ARHGEF28: variants seen among roughly 807,000 people sequenced by gnomAD.
The protein encoded by ARHGEF28 is 190 kDa guanine nucleotide exchange factor.
A neutral mutation model predicts 206.6 loss-of-function variants in ARHGEF28; 152 were observed. The ratio of observed to expected loss-of-function variants is 0.74; its 90% CI spans 0.64 to 0.84. The LOEUF is 0.84. Ranked by LOEUF, ARHGEF28 falls within the 40% of genes least tolerant of loss-of-function variation. The pLI, the probability that ARHGEF28 is intolerant of heterozygous loss-of-function variation, is 0.00. For synonymous variants in ARHGEF28, 763 were observed against 776.4 expected (o/e 0.98, Z 0.29); for missense variants, 2,028 against 2,073.2 (o/e 0.98, Z 0.42).
At chr5:73,638,616 G>C (rs1330993373) in intron 1 of ARHGEF28, among the ~76,000 whole-genome samples, 1 of 152,178 alleles carries the variant, frequency 6.6e-6, no homozygotes, top group Non-Finnish European at 1.5e-5. Context: ...GAATACTGTT[G>C]TGAATATAGT....
chr5:73,703,409 G>C (rs1273899375), intron 2 of ARHGEF28, among the ~76,000 whole-genome samples: 1 of 152,136 alleles, frequency 6.6e-6, no homozygotes, highest in African/African-American at 2.4e-5. Flanking sequence ...TTTCCCGTGG[G>C]AACAGGACGG....
chr5:73,627,095 T>C (rs1743058805), intron 1 of ARHGEF28: 1 of 152,236 alleles, frequency 6.6e-6, no homozygotes, highest in African/African-American at 2.4e-5. Context: ...GTTAGATTTC[T>C]AAGAAAGAAT....
At chr5:73,660,569 T>A (rs1482473534) in intron 1 of ARHGEF28, among the ~76,000 whole-genome samples, 1 of 152,228 alleles carries the variant, frequency 6.6e-6, no homozygotes, top group Non-Finnish European at 1.5e-5. Context: ...ATCAGATTAA[T>A]CATTATTTAT....
chr5:73,790,558 G>T (rs1209177253), intron 7 of ARHGEF28, among the ~76,000 whole-genome samples: 1 of 151,960 alleles, frequency 6.6e-6, no homozygotes, highest in Non-Finnish European at 1.5e-5. Context: ...GGAATGTTGG[G>T]CTCTCACTCA....
chr5:73,918,769 G>A (rs1763357476), intron 35 of ARHGEF28, among the ~76,000 whole-genome samples: 1 of 152,160 alleles, frequency 6.6e-6, no homozygotes, highest in South Asian at 2.1e-4. Flanking sequence ...AAGATACATG[G>A]ATAGGAATTT....
intron 2 of ARHGEF28, among the ~76,000 whole-genome samples, chr5:73,724,472 C>G (rs760483545): frequency 5.3e-5 from 8 of 152,166 alleles, no homozygotes; most frequent in Non-Finnish European, 1.0e-4. Flanking sequence ...ACAGTTCTGA[C>G]TGTTGACAAA....
chr5:73,666,043 G>A (rs1376879939), intron 1 of ARHGEF28, among the ~76,000 whole-genome samples: 1 of 152,148 alleles, frequency 6.6e-6, no homozygotes, highest in Non-Finnish European at 1.5e-5. Flanking sequence ...CCTTCCAGTT[G>A]TGAGCATGTG....
chr5:73,763,008 C>T (rs1344329468), intron 4 of ARHGEF28, among the ~76,000 whole-genome samples: 1 of 152,150 alleles, frequency 6.6e-6, no homozygotes, highest in African/African-American at 2.4e-5. Flanking sequence ...TAAAGGTTAG[C>T]TCTTTATAGA....
At chr5:73,728,453 T>G (rs1250114587) in intron 2 of ARHGEF28, among the ~76,000 whole-genome samples, 3 of 152,210 alleles carry the variant, frequency 2.0e-5, no homozygotes, top group Non-Finnish European at 4.4e-5. Flanking sequence ...TGTTGGAAAT[T>G]GCTTTGTAAA....
chr5:73,735,243 T>C (rs1750852321), intron 2 of ARHGEF28, among the ~76,000 whole-genome samples: 1 of 151,292 alleles, frequency 6.6e-6, no homozygotes, highest in African/African-American at 2.4e-5. Flanking sequence ...TAAATTAAAA[T>C]TAATTAAATT....
intron 35 of ARHGEF28, among the ~76,000 whole-genome samples, chr5:73,936,628 G>A (rs530431901): frequency 6.6e-6 from 1 of 152,364 alleles, no homozygotes; most frequent in Admixed American, 6.5e-5. Flanking sequence ...CTGAAGCCCA[G>A]AGAGGGGCAA....
At chr5:73,833,808 C>T (rs1757442459) in intron 10 of ARHGEF28, among the ~76,000 whole-genome samples, 1 of 152,122 alleles carries the variant, frequency 6.6e-6, no homozygotes, top group South Asian at 2.1e-4. Flanking sequence ...AAAATGAGTG[C>T]TGAGTGAAGA....
Position 73,730,406 on chromosome 5 carries a change from C to T in ARHGEF28, c.34-19431C>T, listed in dbSNP as rs146732118. 4.9e-4 allele frequency among the ~76,000 whole-genome samples: 75 copies of T among 152,208 alleles called. 2 individuals carry two copies. Among genetic ancestry groups the T allele is most frequent in the African/African-American group, 1.6e-3 (68 of 41,526 alleles). ...ATGTCCTACTTATCTTGTTGGATTC[C>T]AGTGTTGCCTTGCATCGGTAGGCAC... On this transcript the variant is annotated intron_variant, in intron 2 of 35. Transcript: ENST00000513042.
chr5:73,641,653 A>G (rs1744114015), intron 1 of ARHGEF28, among the ~76,000 whole-genome samples: 1 of 152,202 alleles, frequency 6.6e-6, no homozygotes, highest in Non-Finnish European at 1.5e-5. Context: ...CACAGAAGAC[A>G]GGGATCTCTC....
chr5:73,773,835 A>G lies in ARHGEF28; in HGVS notation c.476-20A>G, dbSNP rs377082867. 6.4e-5 allele frequency: 100 copies of G among 1,567,152 alleles called. No individual in the cohort carries two copies. The African/African-American group carries it at 1.1e-3, about 17-fold the overall frequency. The stretch of plus-strand genomic sequence containing the variant: ...TTGTAAATGGAGGAACTAATATGGT[A>G]TGTGTTTTTTCCTCTTCAGTATCTT... On this transcript the variant is annotated intron_variant, in intron 4 of 35. Transcript: ENST00000513042.
chr5:73,820,693 T>A (rs1756528242), intron 9 of ARHGEF28, among the ~76,000 whole-genome samples: 1 of 152,140 alleles, frequency 6.6e-6, no homozygotes, highest in South Asian at 2.1e-4. Context: ...ACGTCTGCCA[T>A]CTGGTCTCTT....
intron 1 of ARHGEF28, among the ~76,000 whole-genome samples, chr5:73,674,989 G>C (rs1434860919): frequency 6.6e-6 from 1 of 152,172 alleles, no homozygotes; most frequent in African/African-American, 2.4e-5. Flanking sequence ...ACATGTAAGT[G>C]TTTCCCTGAG....
chr5:73,753,478 G>A (rs949653001), intron 4 of ARHGEF28, among the ~76,000 whole-genome samples: 5 of 152,180 alleles, frequency 3.3e-5, no homozygotes, highest in African/African-American at 1.2e-4. Flanking sequence ...GCTGCTCTGG[G>A]CTGTGGCTCC....
At chr5:73,839,449 A>T (rs1282730238) in intron 10 of ARHGEF28, among the ~76,000 whole-genome samples, 2 of 152,078 alleles carry the variant, frequency 1.3e-5, no homozygotes, top group East Asian at 3.9e-4. Flanking sequence ...AAATGGTGTT[A>T]CTGTCTTCAT....
Sources: allele counts gnomAD v4.1 joint callset (sites outside exome capture counted in the v4.1 genomes callset), GRCh38; gene constraint gnomAD v4.1.1; transcripts MANE v1.5; gene names NCBI Gene and HGNC (gene_info 2026-07-23, HGNC 2026-07-21).